The following ETAA1 variants were observed in gnomAD, a reference collection of about 807,000 sequenced individuals.
The protein encoded by ETAA1 is ETAA1 activator of ATR kinase.
ETAA1 carries 49 observed loss-of-function variants against 76.8 expected under a neutral mutation model. The observed-to-expected ratio is 0.64, with a 90% confidence interval of 0.51 to 0.81. The LOEUF is 0.81. ETAA1 is among the 30% of genes least tolerant of loss of function. The pLI, the probability that ETAA1 is intolerant of heterozygous loss-of-function variation, is 0.00. For synonymous variants in ETAA1, 373 were observed against 372.2 expected (o/e 1.00, Z -0.03); for missense variants, 1,099 against 1,074.0 (o/e 1.02, Z -0.32).
chr2:67,399,585 A>G lies in ETAA1; in HGVS notation c.388A>G (p.Ser130Gly). The G allele has an allele frequency of 6.2e-7, 1 of 1,608,346 alleles. No individual in the cohort carries two copies. Among genetic ancestry groups the G allele is most frequent in the Non-Finnish European group, 8.5e-7 (1 of 1,176,264 alleles). Residue 130 changes from serine (S) to glycine (G), a missense_variant, in exon 3 of 6, where the codon AGT (serine) becomes GGT (glycine). Around this residue, in one of 3 missense-constraint regions of ETAA1, gnomAD observed 761 missense variants for 731.9 expected, o/e 1.04. Coordinates refer to ENST00000272342, the MANE Select transcript of ETAA1 (RefSeq NM_019002.4). ...GRKKQIYTTDSDEISHIVNRI... is the reference protein window; with the variant it reads ...GRKKQIYTTDGDEISHIVNRI... ...AAAAAAACAGATTTACACCACAGAT[A>G]GTGATGAGATTTCACATATTGTTAA...
Position 67,404,997 on chromosome 2 carries a change from G to T in ETAA1, c.2315G>T (p.Gly772Val). The stretch of plus-strand genomic sequence containing the variant: ...AATAGTTCCAAATTGGTTCTTCCAG[G>T]AAGTTCAAGTTTGAATGTAACTTCA... The part of the protein sequence containing the change: ...QVNSSKLVLP[G>V]SSSLNVTSDH... The change falls in exon 5 of 6, where the codon GGA becomes GTA. Residue 772 changes from glycine (G) to valine (V), a missense_variant. Coordinates refer to ENST00000272342, the MANE Select transcript of ETAA1 (RefSeq NM_019002.4). 6.2e-7 allele frequency: 1 copy of T among 1,612,100 alleles called. No homozygotes were observed. Among genetic ancestry groups the T allele is most frequent in the South Asian group, 1.1e-5 (1 of 90,952 alleles).
chr2:67,409,446 T>C (rs1010149302), intron 5 of ETAA1, among the ~76,000 whole-genome samples: 1 of 152,074 alleles, frequency 6.6e-6, no homozygotes, highest in Admixed American at 6.6e-5. Context: ...TAGGGAAAAG[T>C]AGATGTGAAT....
Position 67,399,296 on chromosome 2 carries a change from A to G in ETAA1, c.351A>G (p.Leu117=). ...AGAATTCTCCATTGACAAAGCAGTTAGGTAATTAATTATTAACATTTTTTA... is the reference window on the plus strand; with the variant it reads ...AGAATTCTCCATTGACAAAGCAGTTGGGTAATTAATTATTAACATTTTTTA... ...WDQNSPLTKQ[L]GKGRKKQIYT... The change falls in exon 2 of 6, where the codon TTA becomes TTG. Residue 117 remains leucine, a splice_region_variant and synonymous_variant. Coordinates refer to ENST00000272342, the MANE Select transcript of ETAA1 (RefSeq NM_019002.4). The G allele has an allele frequency of 6.2e-7, 1 of 1,604,058 alleles. No individual in the cohort carries two copies. The highest frequency in any genetic ancestry group is 8.5e-7 in the Non-Finnish European group (1 of 1,175,802).
intron 5 of ETAA1, among the ~76,000 whole-genome samples, chr2:67,406,437 C>CTAA (rs1676222737): frequency 6.6e-6 from 1 of 152,002 alleles, no homozygotes; most frequent in African/African-American, 2.4e-5. Context: ...TTTTTATTTC[C>CTAA]TAATTGCTTT....
In ETAA1 at chr2:67,410,533, A is replaced by ATT. The variant is rs1676345955; in HGVS notation, c.*497_*498dup. The ATT allele has an allele frequency of 6.6e-6, 1 of 152,006 alleles. No homozygotes were observed. The highest frequency in any genetic ancestry group is 1.5e-5 in the Non-Finnish European group (1 of 67,946). The allele number at this position is 152,006 out of a possible 1,614,324, so 9.4% of individuals were successfully genotyped here. A position where few individuals can be genotyped will look rare whatever the true frequency, so the allele number is the denominator to read the frequency against. On this transcript the variant is annotated 3_prime_UTR_variant, in exon 6 of 6. Coordinates refer to ENST00000272342, the MANE Select transcript of ETAA1 (RefSeq NM_019002.4). ...GTTGATATGAAATAAAGGACTTTTT[A>ATT]TTTGTAAGGAAATTATGTTCAGTTC...
At position 67,397,333 on chromosome 2, in the gene ETAA1, A is replaced by G; in HGVS notation, c.-116A>G. 7 of 1,154,452 alleles carry G rather than the reference A, an allele frequency of 6.1e-6. No individual in the cohort carries two copies. The highest frequency in any genetic ancestry group is 1.5e-5 in the African/African-American group (1 of 65,470). 71.5% of individuals were successfully genotyped at this position (1,154,452 alleles called of 1,614,324 possible). On this transcript the variant is annotated 5_prime_UTR_variant, in exon 1 of 6. Transcript: ENST00000272342. ...AGCGGCCGCCTCTTGCGCGCGCCCC[A>G]CCGACCAAAATGGCGGCTGCCGTTG...
intron 5 of ETAA1, among the ~76,000 whole-genome samples, chr2:67,407,878 T>C (rs1473666104): frequency 6.6e-6 from 1 of 151,998 alleles, no homozygotes; most frequent in Non-Finnish European, 1.5e-5. Context: ...CTCAGGGGTG[T>C]CAGATGCAGA....
At chr2:67,398,952 C>T (rs1675976896) in intron 1 of ETAA1, among the ~76,000 whole-genome samples, 3 of 152,146 alleles carry the variant, frequency 2.0e-5, no homozygotes, top group Admixed American at 2.0e-4. Context: ...TCTGGATTAT[C>T]TAGAAGTGTT....
intron 3 of ETAA1, chr2:67,402,545 G>C (rs183573587): frequency 6.4e-6 from 1 of 156,182 alleles, no homozygotes; most frequent in East Asian, 1.8e-4. Context: ...ATTTTCTTTT[G>C]ATAAAAACAT....
At chr2:67,397,928 G>T (rs979205728) in intron 1 of ETAA1, among the ~76,000 whole-genome samples, 1 of 152,184 alleles carries the variant, frequency 6.6e-6, no homozygotes, top group Non-Finnish European at 1.5e-5. Context: ...ACCTGTTTGC[G>T]GGAGGGCGGC....
Position 67,397,635 on chromosome 2 carries a change from C to G in ETAA1, c.187C>G (p.Pro63Ala). ...GCCAGTGCGGCAGCGAGAGCAGCCT[C>G]CGACCGCCGCCCTGTGCAGTAAAAG... is the stretch of plus-strand genomic sequence containing the variant. Reference protein sequence around the residue: ...PGPVRQREQPPTAALCSKSNP... With the variant: ...PGPVRQREQPATAALCSKSNP... The change falls in exon 1 of 6, where the codon CCG becomes GCG. Residue 63 changes from proline (P) to alanine (A), a missense_variant. By Grantham distance (27) the Pro-to-Ala change is conservative. Around this residue, in one of 3 missense-constraint regions of ETAA1, gnomAD observed 761 missense variants for 731.9 expected, o/e 1.04. Coordinates refer to ENST00000272342, the MANE Select transcript of ETAA1 (RefSeq NM_019002.4). The G allele has an allele frequency of 6.5e-7, 1 of 1,546,988 alleles. No homozygotes were observed. The highest frequency in any genetic ancestry group is 8.7e-7 in the Non-Finnish European group (1 of 1,146,506).
At position 67,411,609 on chromosome 2, in the gene ETAA1, A is replaced by C. The variant is rs1676371097; in HGVS notation, c.*1571A>C. On this transcript the variant is annotated 3_prime_UTR_variant, in exon 6 of 6. Coordinates refer to ENST00000272342, the MANE Select transcript of ETAA1 (RefSeq NM_019002.4). ...AGCCTGGGAAAGAATCAAACTTTAA[A>C]GTATGGTTTCTATTGGACGCATATC... The C allele has an allele frequency of 6.6e-6, 1 of 152,048 alleles. No individual in the cohort carries two copies. Among genetic ancestry groups the C allele is most frequent in the Non-Finnish European group, 1.5e-5 (1 of 67,972 alleles). The allele number at this position is 152,048 out of a possible 1,614,324, so 9.4% of individuals were successfully genotyped here. A position where few individuals can be genotyped will look rare whatever the true frequency, so the allele number is the denominator to read the frequency against.
At chr2:67,403,127 T>G in intron 4 of ETAA1, 98 bp from the exon 5 acceptor site, 7 of 1,118,720 alleles carry the variant, frequency 6.3e-6, no homozygotes, top group Non-Finnish European at 8.6e-6. Flanking sequence ...TAATTATAAC[T>G]GTTAAAATCT....
chr2:67,403,063 A>G, intron 4 of ETAA1, 89 bp downstream of exon 4: 1 of 1,207,170 alleles, frequency 8.3e-7, no homozygotes, highest in South Asian at 1.7e-5. Context: ...ATATATCAAA[A>G]TTTTTGTTAA....
chr2:67,406,943 G>A (rs764285018), intron 5 of ETAA1, among the ~76,000 whole-genome samples: 7 of 151,876 alleles, frequency 4.6e-5, no homozygotes, highest in Non-Finnish European at 8.8e-5. Flanking sequence ...AGTTTGGGTT[G>A]GTTGCAGTCT....
Position 67,410,724 on chromosome 2 carries a change from A to G in ETAA1, c.*686A>G, listed in dbSNP as rs1043419898. 1.3e-5 allele frequency: 2 copies of G among 152,054 alleles called. No homozygotes were observed. The highest frequency in any genetic ancestry group is 1.3e-4 in the Admixed American group (2 of 15,232). The allele number at this position is 152,054 out of a possible 1,614,324, so 9.4% of individuals were successfully genotyped here. A position where few individuals can be genotyped will look rare whatever the true frequency, so the allele number is the denominator to read the frequency against. ...TCATTAACATTTAGAACTGGCAGAA[A>G]CTTCATATGTCATCTGGTCCAGCTT... On this transcript the variant is annotated 3_prime_UTR_variant, in exon 6 of 6. Transcript: ENST00000272342.
chr2:67,400,936 T>A (rs1332229840), intron 3 of ETAA1: 1 of 152,160 alleles, frequency 6.6e-6, no homozygotes, highest in Non-Finnish European at 1.5e-5. Flanking sequence ...TTACAGTTAA[T>A]TAGTTAAATA....
Position 67,397,986 on chromosome 2 carries a change from G to A in ETAA1, c.223+315G>A, listed in dbSNP as rs191645081. On this transcript the variant is annotated intron_variant, in intron 1 of 5. Coordinates refer to ENST00000272342, the MANE Select transcript of ETAA1 (RefSeq NM_019002.4). ...GTCAGCAGCAGTGGTGGAGTGAGAA[G>A]AAACAGCTGATAGGCCCGCTAACCT... Among the ~76,000 whole-genome samples, 16 of 152,316 alleles carry A rather than the reference G, an allele frequency of 1.1e-4. No homozygotes were observed. The East Asian group carries it at 3.1e-3, about 29-fold the overall frequency.
chr2:67,407,199 C>A (rs1225545199), intron 5 of ETAA1, among the ~76,000 whole-genome samples: 2 of 147,060 alleles, frequency 1.4e-5, no homozygotes, highest in African/African-American at 2.5e-5. Context: ...GAAGAATTAT[C>A]TTGGATCACA....
Sources: gnomAD v4.1 joint callset for allele counts (sites outside exome capture counted in the v4.1 genomes callset) on GRCh38, gnomAD v4.1.1 for gene constraint, gnomAD v4.1.1 regional missense constraint, MANE v1.5 for transcripts, NCBI Gene and HGNC (gene_info 2026-07-23, HGNC 2026-07-21) for gene names.